Variants in DAB1 observed in about 807,000 individuals in gnomAD.
DAB1 encodes the protein disabled homolog 1.
DAB1 carries 15 observed loss-of-function variants against 64.6 expected under a neutral mutation model. The ratio of observed to expected loss-of-function variants is 0.23; its 90% confidence interval spans 0.16 to 0.36. The LOEUF (loss-of-function observed/expected upper bound fraction) is 0.36, where lower values mean the gene tolerates loss of function less well. Ranked by LOEUF, DAB1 falls within the 10% of genes least tolerant of loss-of-function variation. The probability of loss-of-function intolerance (pLI) is 1.00; values close to 1 mark genes in which losing one functional copy is unlikely to be tolerated. For missense variants in DAB1, 596 were observed against 706.7 expected (o/e 0.84, Z 1.78); for synonymous variants, 235 against 251.9 (o/e 0.93, Z 0.64).
intron 4 of DAB1, among the ~76,000 whole-genome samples, chr1:57,130,035 C>T (rs538362908): frequency 3.3e-5 from 5 of 151,672 alleles, no homozygotes; most frequent in Admixed American, 6.6e-5. Flanking sequence ...ATCCAGGGTA[C>T]CTTGTGTGGA....
intron 1 of DAB1, among the ~76,000 whole-genome samples, chr1:57,865,565 A>T (rs1295254563): frequency 6.6e-6 from 1 of 151,878 alleles, no homozygotes; most frequent in Non-Finnish European, 1.5e-5. Flanking sequence ...ACTGGGCATG[A>T]TAAACTCTCC....
chr1:57,262,799 G>A (rs1453088297), intron 2 of DAB1, among the ~76,000 whole-genome samples: 1 of 152,202 alleles, frequency 6.6e-6, no homozygotes, highest in Non-Finnish European at 1.5e-5. Flanking sequence ...GCCAGATTCT[G>A]AGAGAAGGTC....
At chr1:57,161,755 C>T (rs1320513598) in intron 2 of DAB1, among the ~76,000 whole-genome samples, 3 of 151,882 alleles carry the variant, frequency 2.0e-5, no homozygotes, top group African/African-American at 4.8e-5. Context: ...AGGAAAGCCA[C>T]CCATAACACC....
intron 1 of DAB1, among the ~76,000 whole-genome samples, chr1:58,529,485 C>T (rs1646400050): frequency 6.6e-6 from 1 of 152,164 alleles, no homozygotes; most frequent in African/African-American, 2.4e-5. Context: ...GATTATTATA[C>T]ATAAGCACTA....
intron 4 of DAB1, among the ~76,000 whole-genome samples, chr1:58,269,262 C>G (rs1392136503): frequency 3.3e-5 from 5 of 151,174 alleles, no homozygotes; most frequent in South Asian, 2.1e-4. Flanking sequence ...AGAATATGCC[C>G]TGTTTGGTTT....
chr1:57,139,343 T>C (rs1205583766), intron 3 of DAB1, among the ~76,000 whole-genome samples: 2 of 152,154 alleles, frequency 1.3e-5, no homozygotes, highest in Non-Finnish European at 2.9e-5. Context: ...ACAGGCACCA[T>C]CTTGGAAGCA....
chr1:58,254,082 G>A (rs1199695804), intron 4 of DAB1, among the ~76,000 whole-genome samples: 2 of 152,084 alleles, frequency 1.3e-5, no homozygotes, highest in Non-Finnish European at 2.9e-5. Context: ...GAGGAGGCAG[G>A]ACCACCCTGC....
intron 3 of DAB1, among the ~76,000 whole-genome samples, chr1:58,391,564 C>T (rs1299774348): frequency 6.6e-6 from 1 of 152,236 alleles, no homozygotes; most frequent in East Asian, 1.9e-4. Flanking sequence ...AACCCCTTGG[C>T]TTTTCAACAG....
intron 5 of DAB1, among the ~76,000 whole-genome samples, chr1:58,075,784 C>G (rs1193777049): frequency 1.3e-5 from 2 of 152,162 alleles, no homozygotes; most frequent in East Asian, 3.9e-4. Context: ...GTGTGTCCTC[C>G]AACTCTGCTG....
chr1:58,338,055 T>C (rs1663164781), intron 4 of DAB1, among the ~76,000 whole-genome samples: 1 of 152,088 alleles, frequency 6.6e-6, no homozygotes, highest in Non-Finnish European at 1.5e-5. Flanking sequence ...TGAAGACAAC[T>C]CTTCATTTCA....
At chr1:57,379,923 T>C (rs1232115428) in intron 1 of DAB1, among the ~76,000 whole-genome samples, 1 of 152,344 alleles carries the variant, frequency 6.6e-6, no homozygotes, top group Admixed American at 6.5e-5. Context: ...AGTTTTTCCA[T>C]TTGCCAAACG....
chr1:58,432,302 T>G (rs1644887472), intron 3 of DAB1, among the ~76,000 whole-genome samples: 1 of 152,254 alleles, frequency 6.6e-6, no homozygotes, highest in Admixed American at 6.5e-5. Context: ...ACAAACATTT[T>G]AATTTTACAT....
At chr1:58,451,795 G>T (rs193267757) in intron 3 of DAB1, among the ~76,000 whole-genome samples, 2 of 152,010 alleles carry the variant, frequency 1.3e-5, no homozygotes, top group African/African-American at 4.8e-5. Flanking sequence ...GAAAACAAAC[G>T]ACAAGTTAAG....
At chr1:57,810,545 T>C (rs1284944363) in intron 6 of DAB1, among the ~76,000 whole-genome samples, 1 of 152,118 alleles carries the variant, frequency 6.6e-6, no homozygotes, top group African/African-American at 2.4e-5. Context: ...GTACACTTTG[T>C]ACATAAATCT....
At chr1:58,124,730 G>A (rs1652960773) in intron 5 of DAB1, among the ~76,000 whole-genome samples, 2 of 152,146 alleles carry the variant, frequency 1.3e-5, no homozygotes, top group African/African-American at 2.4e-5. Context: ...TTATCTGTGT[G>A]TGCTTAGGCC....
At chr1:57,349,228 C>T (rs559053778) in intron 1 of DAB1, among the ~76,000 whole-genome samples, 1 of 152,168 alleles carries the variant, frequency 6.6e-6, no homozygotes, top group Non-Finnish European at 1.5e-5. Flanking sequence ...TTTCAACTCT[C>T]CTTCATGCTT....
chr1:57,042,554 C>T (rs977138055), intron 9 of DAB1, among the ~76,000 whole-genome samples: 3 of 152,246 alleles, frequency 2.0e-5, no homozygotes, highest in Middle Eastern at 3.4e-3. Context: ...CTACTATAGC[C>T]TATGGCCTTG....
At chr1:58,240,501 G>A (rs1032749533) in intron 4 of DAB1, among the ~76,000 whole-genome samples, 1 of 152,176 alleles carries the variant, frequency 6.6e-6, no homozygotes, top group Non-Finnish European at 1.5e-5. Context: ...TTATGAGACT[G>A]AGAAATGTAT....
At chr1:57,523,012 T>G (rs1033296401) in intron 7 of DAB1, among the ~76,000 whole-genome samples, 2 of 152,216 alleles carry the variant, frequency 1.3e-5, no homozygotes, top group African/African-American at 2.4e-5. Flanking sequence ...TTCCCTATTT[T>G]GAGGTTTTGA....
Sources: gnomAD v4.1 joint callset for allele counts (sites outside exome capture counted in the v4.1 genomes callset) on GRCh38, gnomAD v4.1.1 for gene constraint, MANE v1.5 for transcripts, NCBI Gene and HGNC (gene_info 2026-07-23, HGNC 2026-07-21) for gene names.